The following NCALD variants were observed in gnomAD, a reference collection of about 807,000 sequenced individuals.
NCALD encodes neurocalcin-delta.
Under a neutral mutation model 18.6 loss-of-function variants are expected in NCALD, and 10 were observed. The observed-to-expected ratio is 0.54, with a 90% CI of 0.33 to 0.91. The LOEUF is 0.91. NCALD is among the 40% of genes least tolerant of loss of function. The probability of loss-of-function intolerance (pLI) is 0.03; values close to 1 mark genes in which losing one functional copy is unlikely to be tolerated. For missense variants in NCALD, 184 were observed against 247.6 expected (o/e 0.74, Z 1.72); for synonymous variants, 88 against 87.4 (o/e 1.01, Z -0.04).
rs759333537 is a variant in NCALD, at chr8:101,899,322, C to T, written c.-106-12095G>A. Among the ~76,000 whole-genome samples, 15 of 152,000 alleles carry T rather than the reference C, an allele frequency of 9.9e-5. No individual in the cohort carries two copies. The East Asian group carries it at 2.7e-3, about 27-fold the overall frequency. On this transcript the variant is annotated intron_variant, in intron 3 of 6. Coordinates refer to the NCALD transcript ENST00000311028. ...CCATTGAATTTTTCTAGTAGACAAT[C>T]GTGTTGCCTGCAAATAGGAATGGTT...
At chr8:101,738,903 T>C (rs2130671382) in intron 1 of NCALD, among the ~76,000 whole-genome samples, 1 of 152,314 alleles carries the variant, frequency 6.6e-6, no homozygotes, top group Middle Eastern at 3.4e-3. Context: ...ATCATCATTC[T>C]TGTCTCTCTG....
intron 1 of NCALD, among the ~76,000 whole-genome samples, chr8:102,053,912 T>G (rs1476312894): frequency 6.6e-6 from 1 of 152,236 alleles, no homozygotes; most frequent in Non-Finnish European, 1.5e-5. Flanking sequence ...TATACATATG[T>G]GATTCTTACA....
chr8:102,080,121 G>A (rs1351756627), intron 1 of NCALD, among the ~76,000 whole-genome samples: 2 of 152,266 alleles, frequency 1.3e-5, no homozygotes, highest in South Asian at 2.1e-4. Flanking sequence ...ATCCGCCCAA[G>A]GAAATATAAT....
At chr8:101,712,479 A>G (rs1815842910) in intron 2 of NCALD, among the ~76,000 whole-genome samples, 1 of 151,714 alleles carries the variant, frequency 6.6e-6, no homozygotes, top group South Asian at 2.1e-4. Flanking sequence ...TTGGATAAAG[A>G]GTCAAGACCC....
chr8:101,971,362 G>A (rs1458949553), intron 2 of NCALD, among the ~76,000 whole-genome samples: 2 of 152,000 alleles, frequency 1.3e-5, no homozygotes. Flanking sequence ...ATCTCAAATT[G>A]TAATCCCCAT....
chr8:101,933,667 C>T (rs1348828245), intron 2 of NCALD, among the ~76,000 whole-genome samples: 1 of 152,170 alleles, frequency 6.6e-6, no homozygotes, highest in Non-Finnish European at 1.5e-5. Context: ...TGACAACCTA[C>T]ACATTATATT....
At chr8:101,983,592 G>A (rs970316947) in intron 2 of NCALD, among the ~76,000 whole-genome samples, 6 of 152,124 alleles carry the variant, frequency 3.9e-5, no homozygotes, top group Non-Finnish European at 8.8e-5. Context: ...GAAACTGTAG[G>A]GTTGTGTGTA....
chr8:101,713,493 GT>G (rs143558015), intron 2 of NCALD, among the ~76,000 whole-genome samples: 150,428 of 150,906 alleles, frequency 1, 74,977 homozygotes, highest in Middle Eastern at 1. Flanking sequence ...TCAAGGAACT[GT>G]TTTTTTTTGA....
At chr8:102,001,066 T>C (rs1210138530) in intron 2 of NCALD, among the ~76,000 whole-genome samples, 1 of 152,138 alleles carries the variant, frequency 6.6e-6, no homozygotes, top group Non-Finnish European at 1.5e-5. Context: ...CTTCAGATGA[T>C]CAAACTACTC....
At chr8:102,030,595 T>C (rs901040581) in intron 1 of NCALD, among the ~76,000 whole-genome samples, 2 of 152,250 alleles carry the variant, frequency 1.3e-5, no homozygotes, top group Non-Finnish European at 2.9e-5. Flanking sequence ...AAAAAGTAAA[T>C]AAGGGGCTGG....
At chr8:101,823,166 T>C (rs969931981) in intron 4 of NCALD, among the ~76,000 whole-genome samples, 19 of 152,240 alleles carry the variant, frequency 1.2e-4, no homozygotes, top group Non-Finnish European at 4.4e-5. Context: ...CAGAATAATT[T>C]TGGCAAGTAG....
intron 1 of NCALD, among the ~76,000 whole-genome samples, chr8:102,067,342 C>T (rs1183491311): frequency 1.3e-5 from 2 of 152,168 alleles, no homozygotes; most frequent in African/African-American, 2.4e-5. Context: ...AAACTCAGAT[C>T]AGTTATCACT....
At chr8:101,762,643 C>T (rs1166453073) in intron 1 of NCALD, among the ~76,000 whole-genome samples, 3 of 149,114 alleles carry the variant, frequency 2.0e-5, no homozygotes, top group South Asian at 4.2e-4. Flanking sequence ...GGTGTGATAT[C>T]GACTCACTGC....
intron 3 of NCALD, among the ~76,000 whole-genome samples, chr8:101,906,407 T>C (rs1817611937): frequency 6.6e-6 from 1 of 152,232 alleles, no homozygotes; most frequent in Admixed American, 6.5e-5. Flanking sequence ...GTAAATATTT[T>C]TGGCTTTGCA....
intron 2 of NCALD, among the ~76,000 whole-genome samples, chr8:102,008,458 C>A (rs1277570786): frequency 7.1e-6 from 1 of 140,670 alleles, no homozygotes; most frequent in African/African-American, 2.7e-5. Flanking sequence ...ATTGATGACT[C>A]TGAATTAAAG....
At chr8:102,023,368 A>T (rs776453450) in intron 1 of NCALD, among the ~76,000 whole-genome samples, 32 of 152,246 alleles carry the variant, frequency 2.1e-4, no homozygotes, top group Middle Eastern at 3.2e-3. Flanking sequence ...AAACTCATTT[A>T]GAATAAAACA....
Position 101,805,337 on chromosome 8 carries a change from C to CG in NCALD, c.-20+81803_-20+81804insC, listed in dbSNP as rs113270051. Among the ~76,000 whole-genome samples the CG allele has an allele frequency of 5.7e-3, 870 of 152,250 alleles. 11 individuals carry two copies. The highest frequency in any genetic ancestry group is 0.018 in the African/African-American group (764 of 41,536). ...CTCAGTCAAGGAATATAATTATCTC[C>CG]TTGGAAAGGTAGGACACCAGCCTTT... On this transcript the variant is annotated intron_variant, in intron 4 of 6. Transcript: ENST00000311028.
At chr8:101,949,211 C>G (rs1819293941) in intron 2 of NCALD, among the ~76,000 whole-genome samples, 1 of 152,076 alleles carries the variant, frequency 6.6e-6, no homozygotes, top group Non-Finnish European at 1.5e-5. Context: ...TTAATTTACC[C>G]CACAATCCTG....
At chr8:101,996,799 G>A (rs941037932) in intron 2 of NCALD, among the ~76,000 whole-genome samples, 4 of 152,170 alleles carry the variant, frequency 2.6e-5, no homozygotes, top group Non-Finnish European at 5.9e-5. Context: ...TTACAACCAC[G>A]GTGATTTGGA....
Sources: allele counts gnomAD v4.1 joint callset (sites outside exome capture counted in the v4.1 genomes callset), GRCh38; gene constraint gnomAD v4.1.1; transcripts MANE v1.5; gene names NCBI Gene and HGNC (gene_info 2026-07-23, HGNC 2026-07-21).